The following QRICH1 variants were observed in gnomAD, a reference collection of about 807,000 sequenced individuals.
QRICH1 encodes the protein transcriptional regulator QRICH1.
In QRICH1, 16 loss-of-function variants were observed where a neutral mutation model predicts 87.1. The observed-to-expected ratio is 0.18, with a 90% CI of 0.12 to 0.28. QRICH1 has a LOEUF of 0.28. QRICH1 is among the 10% of genes least tolerant of loss of function. The pLI is 1.00. For missense variants in QRICH1, 647 were observed against 951.7 expected, an observed-to-expected ratio of 0.68 and a Z score of 4.21; for synonymous variants, 367 against 368.4, an observed-to-expected ratio of 1.00 and a Z score of 0.05.
At chr3:49,071,433 C>T (rs990824078) in intron 2 of QRICH1, among the ~76,000 whole-genome samples, 8 of 152,062 alleles carry the variant, frequency 5.3e-5, no homozygotes, top group African/African-American at 1.9e-4. Flanking sequence ...AATCCAAACA[C>T]CCACAAAGTG....
intron 4 of QRICH1, 53 bp downstream of exon 4, chr3:49,047,016 C>T: frequency 6.4e-7 from 1 of 1,572,006 alleles, no homozygotes; most frequent in East Asian, 2.3e-5. Context: ...CCTCCTGTTA[C>T]TTTAGTACCA....
intron 1 of QRICH1, among the ~76,000 whole-genome samples, chr3:49,079,232 TAAAA>T (rs1018646062): frequency 6.6e-6 from 1 of 151,018 alleles, no homozygotes; most frequent in Non-Finnish European, 1.5e-5. Flanking sequence ...TAACTCTGTC[TAAAA>T]AAAACAAACA....
chr3:49,068,849 T>C (rs907862739), intron 2 of QRICH1, among the ~76,000 whole-genome samples: 1 of 151,720 alleles, frequency 6.6e-6, no homozygotes, highest in Non-Finnish European at 1.5e-5. Context: ...TAGGCTGGTC[T>C]AGAACTCCTG....
At chr3:49,093,590 A>C (rs1416327996) in intron 1 of QRICH1, 1 of 152,986 alleles carries the variant, frequency 6.5e-6, no homozygotes, top group Non-Finnish European at 1.5e-5. Flanking sequence ...CCTAGAGCAG[A>C]GATATCCGGG....
chr3:49,049,995 T>C (rs1360314025), intron 3 of QRICH1, among the ~76,000 whole-genome samples: 11 of 147,168 alleles, frequency 7.5e-5, no homozygotes, highest in Non-Finnish European at 1.3e-4. Flanking sequence ...AGGTCAGGAG[T>C]TGGAGACCAG....
chr3:49,061,134 TA>T (rs57557768), intron 2 of QRICH1, among the ~76,000 whole-genome samples: 464 of 39,724 alleles, frequency 0.012, 7 homozygotes, highest in African/African-American at 0.041. Context: ...GCCTCCATCT[TA>T]AAAAAAAAAA....
intron 6 of QRICH1, among the ~76,000 whole-genome samples, chr3:49,043,662 A>G (rs764734782): frequency 6.6e-6 from 1 of 152,092 alleles, no homozygotes; most frequent in Admixed American, 6.6e-5. Context: ...GCCTGTCTCT[A>G]CTAAAAATAC....
At chr3:49,061,570 A>T (rs2093435186) in intron 2 of QRICH1, among the ~76,000 whole-genome samples, 1 of 152,172 alleles carries the variant, frequency 6.6e-6, no homozygotes, top group Admixed American at 6.5e-5. Context: ...GCAGAAAATG[A>T]GGCCAGGCAC....
intron 6 of QRICH1, among the ~76,000 whole-genome samples, chr3:49,043,238 T>C (rs2093320696): frequency 6.6e-6 from 1 of 152,108 alleles, no homozygotes; most frequent in Admixed American, 6.5e-5. Flanking sequence ...GGCTCATGCC[T>C]GTAATCCCAG....
At chr3:49,069,355 T>C (rs1369995614) in intron 2 of QRICH1, among the ~76,000 whole-genome samples, 1 of 151,110 alleles carries the variant, frequency 6.6e-6, no homozygotes, top group African/African-American at 2.4e-5. Flanking sequence ...ACCCGCCTTG[T>C]CCTCCCAAAG....
chr3:49,031,471 G>C (rs938584401), intron 9 of QRICH1, among the ~76,000 whole-genome samples: 4 of 152,108 alleles, frequency 2.6e-5, no homozygotes, highest in Non-Finnish European at 4.4e-5. Context: ...TCAGCACTAG[G>C]TGCTGATATT....
At chr3:49,052,555 G>C (rs2093377108) in intron 3 of QRICH1, among the ~76,000 whole-genome samples, 1 of 152,166 alleles carries the variant, frequency 6.6e-6, no homozygotes, top group Non-Finnish European at 1.5e-5. Context: ...ACCCAGGCTG[G>C]AGTGCAGTGG....
intron 6 of QRICH1, among the ~76,000 whole-genome samples, chr3:49,034,540 T>C (rs1375094921): frequency 3.3e-5 from 5 of 152,132 alleles, no homozygotes; most frequent in Non-Finnish European, 7.3e-5. Flanking sequence ...CCTTGAGCTC[T>C]TGGACTCAAA....
chr3:49,035,922 A>AC (rs59929397), intron 6 of QRICH1, among the ~76,000 whole-genome samples: 97,189 of 149,498 alleles, frequency 0.65, 32,386 homozygotes, highest in East Asian at 0.95. Flanking sequence ...AAAAAAAAAA[A>AC]AAAAAACAAA....
At chr3:49,087,201 G>C (rs1194098104) in intron 1 of QRICH1, 1 of 152,142 alleles carries the variant, frequency 6.6e-6, no homozygotes, top group East Asian at 1.9e-4. Context: ...AGGTTGCAGT[G>C]AGCCGAGATC....
intron 2 of QRICH1, among the ~76,000 whole-genome samples, chr3:49,058,757 T>C (rs997179512): frequency 6.6e-5 from 10 of 151,956 alleles, no homozygotes; most frequent in African/African-American, 2.4e-4. Context: ...GCCTCCTGAG[T>C]AGCTAGGATT....
At chr3:49,069,691 G>A (rs1050095718) in intron 2 of QRICH1, among the ~76,000 whole-genome samples, 1 of 151,614 alleles carries the variant, frequency 6.6e-6, no homozygotes, top group Admixed American at 6.6e-5. Context: ...TGTTGCCCAG[G>A]CTGGTCTTGA....
At chr3:49,046,662 G>A in intron 4 of QRICH1, 83 bp from the exon 5 acceptor site, 1 of 1,459,148 alleles carries the variant, frequency 6.9e-7, no homozygotes, top group Admixed American at 2.2e-5. Flanking sequence ...CCATCAGGGT[G>A]CTGGGATAGA....
chr3:49,064,898 TC>T (rs2093458454), intron 2 of QRICH1, among the ~76,000 whole-genome samples: 1 of 151,824 alleles, frequency 6.6e-6, no homozygotes, highest in Non-Finnish European at 1.5e-5. Context: ...ATGCCTGTAA[TC>T]CCAGCTAATC....
Sources: gnomAD v4.1 joint callset for allele counts (sites outside exome capture counted in the v4.1 genomes callset) on GRCh38, gnomAD v4.1.1 for gene constraint, MANE v1.5 for transcripts, NCBI Gene and HGNC (gene_info 2026-07-23, HGNC 2026-07-21) for gene names.